The following UST variants were observed in gnomAD, a reference collection of about 807,000 sequenced individuals.
UST encodes chondroitin sulfate 2-O-sulfotransferase.
A neutral mutation model predicts 45.6 loss-of-function variants in UST; 21 were observed. That is an observed-to-expected ratio of 0.46 (90% confidence interval 0.33 to 0.66). UST has a LOEUF of 0.66. UST is among the 30% of genes least tolerant of loss of function. UST has a pLI of 0.02. For synonymous variants in UST, 215 were observed against 200.6 expected, an observed-to-expected ratio of 1.07 and a Z score of -0.61; for missense variants, 463 against 512.4, an observed-to-expected ratio of 0.90 and a Z score of 0.93.
intron 1 of UST, among the ~76,000 whole-genome samples, chr6:148,838,066 T>C (rs1809473): frequency 1 from 152,347 of 152,348 alleles, 76,173 homozygotes; most frequent in Middle Eastern, 1. Context: ...CAGATGTTCA[T>C]AAATGCCTTG....
intron 7 of UST, among the ~76,000 whole-genome samples, chr6:149,064,943 C>T (rs753353819): frequency 2.2e-4 from 33 of 151,938 alleles, no homozygotes; most frequent in Non-Finnish European, 4.0e-4. Context: ...CCTGCCAGTC[C>T]GATCTTGGGC....
At chr6:148,862,121 T>C (rs1157505997) in intron 1 of UST, among the ~76,000 whole-genome samples, 1 of 152,234 alleles carries the variant, frequency 6.6e-6, no homozygotes, top group Non-Finnish European at 1.5e-5. Flanking sequence ...ATTATTATTG[T>C]GTGGGAGTCT....
In UST at chr6:148,957,406, GA is replaced by G. The variant is rs549455423; in HGVS notation, c.527+3456del. 2.3e-3 allele frequency among the ~76,000 whole-genome samples: 345 copies of G among 152,328 alleles called. 2 individuals carry two copies. Among genetic ancestry groups the G allele is most frequent in the South Asian group, 7.9e-3 (38 of 4,828 alleles). ...TTTCTCTGTCAATATGCAATTGACA[GA>G]GAAAAACAACTAAGCTGGAACTTCT... On this transcript the variant is annotated intron_variant, in intron 4 of 7. Coordinates refer to ENST00000367463, the MANE Select transcript of UST (RefSeq NM_005715.3).
chr6:148,892,549 G>A (rs1171687214), intron 2 of UST, among the ~76,000 whole-genome samples: 2 of 152,044 alleles, frequency 1.3e-5, no homozygotes, highest in Admixed American at 1.3e-4. Context: ...TTAGCCTCAG[G>A]TAGCTATTTA....
chr6:148,871,858 G>T (rs2114817250), intron 1 of UST, among the ~76,000 whole-genome samples: 1 of 152,306 alleles, frequency 6.6e-6, no homozygotes, highest in Non-Finnish European at 1.5e-5. Flanking sequence ...GTCAAAAATG[G>T]CAGGTAGTAA....
rs919383422 is a variant in UST, at chr6:148,975,189, G to T, written c.681+10626G>T. 2.6e-5 allele frequency among the ~76,000 whole-genome samples: 4 copies of T among 152,140 alleles called. No individual in the cohort carries two copies. The East Asian group carries it at 7.7e-4, about 29-fold the overall frequency. Reference sequence around the variant, plus strand: ...TGACCGCTCATCTTTATTTCTCTTGGTAACTATTACTCAGGTATTTCTTTT... The same window carrying T: ...TGACCGCTCATCTTTATTTCTCTTGTTAACTATTACTCAGGTATTTCTTTT... On this transcript the variant is annotated intron_variant, in intron 5 of 7. Transcript: ENST00000367463.
intron 7 of UST, among the ~76,000 whole-genome samples, chr6:149,064,064 A>C (rs1776697703): frequency 1.3e-5 from 2 of 152,204 alleles, no homozygotes; most frequent in Admixed American, 1.3e-4. Flanking sequence ...CTCCATGCAG[A>C]GTATTTAAGA....
intron 7 of UST, among the ~76,000 whole-genome samples, chr6:149,058,489 T>G (rs2115040231): frequency 6.6e-6 from 1 of 152,102 alleles, no homozygotes; most frequent in South Asian, 2.1e-4. Flanking sequence ...AAAAGAATCC[T>G]GTCCATAAAG....
At position 148,994,900 on chromosome 6, in the gene UST, A is replaced by G. The variant is rs77820995; in HGVS notation, c.682-24239A>G. 8.0e-3 allele frequency among the ~76,000 whole-genome samples: 1,218 copies of G among 152,316 alleles called. 22 individuals carry two copies. The highest frequency in any genetic ancestry group is 0.028 in the African/African-American group (1,164 of 41,564). On this transcript the variant is annotated intron_variant, in intron 5 of 7. Coordinates refer to ENST00000367463, the MANE Select transcript of UST (RefSeq NM_005715.3). ...TTCATAGCCCTTAATCTATAGATTC[A>G]AAACTCAAAGTGCCTGTTCACCCCT...
chr6:148,910,244 G>A (rs1189501025), intron 2 of UST, among the ~76,000 whole-genome samples: 2 of 147,872 alleles, frequency 1.4e-5, no homozygotes, highest in African/African-American at 2.5e-5. Flanking sequence ...GGGTTCAAAC[G>A]ATTCTTCTGC....
Position 148,890,552 on chromosome 6 carries a change from G to A in UST, c.291+3523G>A, listed in dbSNP as rs17079531. ...TTTTAAACCCTGAAAATATACTGAC[G>A]TTACAGGCGAGTTCTCATTTTATTA... On this transcript the variant is annotated intron_variant, in intron 2 of 7. Transcript: ENST00000367463. Among the ~76,000 whole-genome samples, 727 of 152,194 alleles carry A rather than the reference G, an allele frequency of 4.8e-3. 8 individuals carry two copies. Among genetic ancestry groups the A allele is most frequent in the African/African-American group, 0.016 (664 of 41,520 alleles).
At chr6:148,842,331 G>A (rs1187524645) in intron 1 of UST, among the ~76,000 whole-genome samples, 1 of 152,212 alleles carries the variant, frequency 6.6e-6, no homozygotes, top group Admixed American at 6.5e-5. Context: ...TCTGTGTTTT[G>A]AGGGAGAGTC....
chr6:148,878,708 G>GTTCAGGA (rs1778767584), intron 1 of UST, among the ~76,000 whole-genome samples: 1 of 130,948 alleles, frequency 7.6e-6, no homozygotes, highest in Non-Finnish European at 1.6e-5. Flanking sequence ...TGAGTGCGGA[G>GTTCAGGA]GTCGTGTATG....
intron 2 of UST, among the ~76,000 whole-genome samples, chr6:148,895,062 C>T (rs917299616): frequency 3.3e-5 from 5 of 152,056 alleles, no homozygotes; most frequent in African/African-American, 1.2e-4. Context: ...GTGATCCACC[C>T]ACCTCGGCCT....
intron 7 of UST, among the ~76,000 whole-genome samples, chr6:149,035,600 A>T (rs1384612976): frequency 6.6e-6 from 1 of 152,060 alleles, no homozygotes; most frequent in African/African-American, 2.4e-5. Context: ...CAAAAAAAAA[A>T]TACAAAAATT....
intron 5 of UST, chr6:149,005,695 T>C (rs534853776): frequency 1.2e-6 from 1 of 824,252 alleles, no homozygotes; most frequent in East Asian, 1.2e-4. Context: ...TGGAAGCACA[T>C]TGAGCTTGAT....
rs1399136430 is a variant in UST at position 148,882,151 on chromosome 6, C to G, written c.248-4835C>G. Among the ~76,000 whole-genome samples the G allele has an allele frequency of 2.0e-5, 3 of 152,192 alleles. No homozygotes were observed. In the South Asian group the frequency reaches 6.2e-4, roughly 32 times the overall value. ...GGTCCAGGTGCCAACACCGAGGACCCTTGTTCCTTTATGTGCACAGAAAGA... is the reference window on the plus strand; with the variant it reads ...GGTCCAGGTGCCAACACCGAGGACCGTTGTTCCTTTATGTGCACAGAAAGA... On this transcript the variant is annotated intron_variant, in intron 1 of 7. Transcript: ENST00000367463.
chr6:149,023,149 T>TGTGTG (rs1562332181), intron 7 of UST, among the ~76,000 whole-genome samples: 2 of 135,648 alleles, frequency 1.5e-5, no homozygotes, highest in Admixed American at 1.5e-4. Flanking sequence ...TGTGTGTGTG[T>TGTGTG]GGTGTGGTGT....
chr6:148,884,618 G>A (rs1296065548), intron 1 of UST, among the ~76,000 whole-genome samples: 3 of 152,028 alleles, frequency 2.0e-5, no homozygotes, highest in Admixed American at 2.0e-4. Context: ...GGGTGATGCA[G>A]GGCCTTACAG....
Sources: allele counts gnomAD v4.1 joint callset (sites outside exome capture counted in the v4.1 genomes callset), GRCh38; gene constraint gnomAD v4.1.1; transcripts MANE v1.5; gene names NCBI Gene and HGNC (gene_info 2026-07-23, HGNC 2026-07-21).